The following CDH8 variants were observed in gnomAD, a reference collection of about 807,000 sequenced individuals.
The protein encoded by CDH8 is cadherin-8.
Under a neutral mutation model 68.1 loss-of-function variants are expected in CDH8, and 17 were observed. That is an observed-to-expected ratio of 0.25 (90% confidence interval 0.17 to 0.37). CDH8 has a LOEUF of 0.37. CDH8 is among the 10% of genes least tolerant of loss of function. The pLI is 1.00. For synonymous variants in CDH8, 372 were observed against 365.1 expected (o/e 1.02, Z -0.21); for missense variants, 763 against 999.3 (o/e 0.76, Z 3.19).
intron 10 of CDH8, among the ~76,000 whole-genome samples, chr16:61,680,070 T>A (rs1963984935): frequency 6.6e-6 from 1 of 151,994 alleles, no homozygotes; most frequent in Non-Finnish European, 1.5e-5. Context: ...AACTTAAGCA[T>A]GTGAGGTTTC....
At chr16:61,897,158 A>G (rs1035996968) in intron 3 of CDH8, among the ~76,000 whole-genome samples, 2 of 150,934 alleles carry the variant, frequency 1.3e-5, no homozygotes, top group Admixed American at 6.6e-5. Flanking sequence ...GGATTATTGA[A>G]ATGTCTACTC....
intron 3 of CDH8, among the ~76,000 whole-genome samples, chr16:61,889,082 G>C (rs974645472): frequency 2.6e-5 from 4 of 152,132 alleles, no homozygotes; most frequent in African/African-American, 9.7e-5. Context: ...CCTTAGGATG[G>C]GGATGTATAT....
At chr16:61,801,697 G>A (rs1217622201) in intron 7 of CDH8, among the ~76,000 whole-genome samples, 2 of 152,188 alleles carry the variant, frequency 1.3e-5, no homozygotes, top group South Asian at 4.1e-4. Flanking sequence ...GTCAAAGAAA[G>A]GGGTGACGGA....
intron 8 of CDH8, among the ~76,000 whole-genome samples, chr16:61,753,096 A>G (rs1960213217): frequency 6.6e-6 from 1 of 151,334 alleles, no homozygotes; most frequent in Non-Finnish European, 1.5e-5. Context: ...GATGAGCAAG[A>G]AGATTTTTTT....
chr16:61,743,382 A>G, intron 8 of CDH8: 1 of 156,654 alleles, frequency 6.4e-6, no homozygotes. Context: ...GTGGTGAGGG[A>G]GGAAGGGGAC....
At chr16:61,817,453 C>G in intron 7 of CDH8, 26 bp downstream of exon 7, 2 of 1,611,586 alleles carry the variant, frequency 1.2e-6, no homozygotes, top group Non-Finnish European at 1.7e-6. Flanking sequence ...TTGCAGTAGC[C>G]AGTATTCCTT....
At chr16:61,822,270 CTCTCCTT>C (rs1384872898) in intron 5 of CDH8, among the ~76,000 whole-genome samples, 3 of 104,770 alleles carry the variant, frequency 2.9e-5, no homozygotes, top group African/African-American at 1.1e-4. Context: ...CTGTCTCTCT[CTCTCCTT>C]TCTCCACTGG....
Position 61,787,260 on chromosome 16 carries a change from C to A in CDH8, c.1414+2086G>T, listed in dbSNP as rs888666405. Among the ~76,000 whole-genome samples the A allele has an allele frequency of 1.3e-4, 19 of 148,248 alleles. No individual in the cohort carries two copies. The East Asian group carries it at 3.3e-3, about 25-fold the overall frequency. ...AATTTACAAGAAAAAAACAAACAACCCCATCAAAAAGTGGGCAAAGGACAT... is the reference window on the plus strand; with the variant it reads ...AATTTACAAGAAAAAAACAAACAACACCATCAAAAAGTGGGCAAAGGACAT... On this transcript the variant is annotated intron_variant, in intron 8 of 11. Coordinates refer to ENST00000577390, the MANE Select transcript of CDH8 (RefSeq NM_001796.5).
chr16:61,905,895 GA>G (rs996175188), intron 2 of CDH8, among the ~76,000 whole-genome samples: 1 of 147,326 alleles, frequency 6.8e-6, no homozygotes, highest in Admixed American at 6.8e-5. Flanking sequence ...ACTCCGTCTT[GA>G]AAAAAAAGAA....
chr16:61,812,570 A>C (rs1352217773), intron 7 of CDH8, among the ~76,000 whole-genome samples: 1 of 152,208 alleles, frequency 6.6e-6, no homozygotes, highest in Non-Finnish European at 1.5e-5. Flanking sequence ...TACACAATTG[A>C]AATAAGTTTA....
At chr16:61,944,170 G>T (rs1158008133) in intron 2 of CDH8, among the ~76,000 whole-genome samples, 2 of 152,220 alleles carry the variant, frequency 1.3e-5, no homozygotes, top group African/African-American at 2.4e-5. Flanking sequence ...AGGCTGGAAT[G>T]AGACAATAAT....
At chr16:61,873,153 G>A (rs754362728) in intron 3 of CDH8, among the ~76,000 whole-genome samples, 1 of 152,074 alleles carries the variant, frequency 6.6e-6, no homozygotes, top group African/African-American at 2.4e-5. Context: ...GTTCGTATTC[G>A]TAGAAATGAA....
chr16:61,762,731 C>G (rs373277046), intron 8 of CDH8, among the ~76,000 whole-genome samples: 3 of 152,096 alleles, frequency 2.0e-5, no homozygotes, highest in African/African-American at 4.8e-5. Flanking sequence ...TTTGTGATAA[C>G]TATTTCATAT....
chr16:61,829,168 G>T (rs1447428910), intron 4 of CDH8, among the ~76,000 whole-genome samples: 1 of 151,746 alleles, frequency 6.6e-6, no homozygotes, highest in Admixed American at 6.6e-5. Context: ...CTCCTGCAAA[G>T]ACTTTATTCC....
In CDH8 at chr16:61,774,115, C is replaced by A. The variant is rs73560925; in HGVS notation, c.1414+15231G>T. On this transcript the variant is annotated intron_variant, in intron 8 of 11. Coordinates refer to ENST00000577390, the MANE Select transcript of CDH8 (RefSeq NM_001796.5). ...CTGCATTTTCATTCTTTTGGCTTTGCTGCTTTGTAACCTGCTTGCACTTGT... is the reference window on the plus strand; with the variant it reads ...CTGCATTTTCATTCTTTTGGCTTTGATGCTTTGTAACCTGCTTGCACTTGT... Among the ~76,000 whole-genome samples, 1,156 of 152,124 alleles carry A rather than the reference C, an allele frequency of 7.6e-3. 12 individuals are homozygous for A. Among genetic ancestry groups the A allele is most frequent in the African/African-American group, 0.026 (1,081 of 41,502 alleles).
chr16:61,686,660 C>T (rs1329728891), intron 10 of CDH8, among the ~76,000 whole-genome samples: 2 of 151,872 alleles, frequency 1.3e-5, no homozygotes, highest in African/African-American at 2.4e-5. Flanking sequence ...AAAGATGTTG[C>T]AGTGAAATTG....
chr16:61,677,550 A>G (rs1596857699), intron 10 of CDH8, among the ~76,000 whole-genome samples: 1 of 152,002 alleles, frequency 6.6e-6, no homozygotes, highest in Non-Finnish European at 1.5e-5. Context: ...TCAGAAAATT[A>G]CATAGAGAGG....
At chr16:61,866,981 G>C (rs1269684737) in intron 3 of CDH8, among the ~76,000 whole-genome samples, 1 of 152,060 alleles carries the variant, frequency 6.6e-6, no homozygotes, top group Non-Finnish European at 1.5e-5. Flanking sequence ...CTAGTTAAAA[G>C]CCAGGACTTT....
At chr16:61,714,882 A>G (rs1253952368) in intron 9 of CDH8, among the ~76,000 whole-genome samples, 1 of 151,656 alleles carries the variant, frequency 6.6e-6, no homozygotes, top group Non-Finnish European at 1.5e-5. Context: ...TAATGATGTC[A>G]ATGCTATTGT....
Sources: allele counts gnomAD v4.1 joint callset (sites outside exome capture counted in the v4.1 genomes callset), GRCh38; gene constraint gnomAD v4.1.1; transcripts MANE v1.5; gene names NCBI Gene and HGNC (gene_info 2026-07-23, HGNC 2026-07-21).